The following SIRPG variants were observed in gnomAD, a reference collection of about 807,000 sequenced individuals.
SIRPG encodes signal-regulatory protein gamma.
SIRPG carries 38 observed loss-of-function variants against 35.7 expected under a neutral mutation model. The ratio of observed to expected loss-of-function variants is 1.06; its 90% CI spans 0.82 to 1.40. The LOEUF (loss-of-function observed/expected upper bound fraction) is 1.40. SIRPG is among the 40% of genes most tolerant of loss of function. The pLI, the probability that SIRPG is intolerant of heterozygous loss-of-function variation, is 0.00. For missense variants in SIRPG, 519 were observed against 483.0 expected (o/e 1.07, Z -0.70); for synonymous variants, 215 against 190.4 (o/e 1.13, Z -1.06).
chr20:1,648,651 T>TAAAATAAATA (rs1568734863), intron 2 of SIRPG, among the ~76,000 whole-genome samples: 8 of 142,498 alleles, frequency 5.6e-5, no homozygotes, highest in African/African-American at 1.9e-4. Context: ...ATAAAATAAA[T>TAAAATAAATA]AAAAAAAAAT....
At chr20:1,652,402 G>T (rs1231410039) in intron 1 of SIRPG, among the ~76,000 whole-genome samples, 2 of 152,196 alleles carry the variant, frequency 1.3e-5, no homozygotes, top group Admixed American at 1.3e-4. Context: ...CCTTTCTGTT[G>T]ACAGTGGCCT....
chr20:1,655,833 A>G (rs1429659027), intron 1 of SIRPG, among the ~76,000 whole-genome samples: 1 of 152,110 alleles, frequency 6.6e-6, no homozygotes, highest in Non-Finnish European at 1.5e-5. Context: ...TTTGTTAAAA[A>G]TTTCACTGAA....
intron 5 of SIRPG, among the ~76,000 whole-genome samples, 167 bp from the exon 6 acceptor site, chr20:1,629,803 C>G (rs2091734319): frequency 6.6e-6 from 1 of 152,144 alleles, no homozygotes; most frequent in African/African-American, 2.4e-5. Context: ...TCCTGATGCC[C>G]TTTCCAATAT....
At chr20:1,644,439 C>T (rs916594051) in intron 2 of SIRPG, among the ~76,000 whole-genome samples, 2 of 152,216 alleles carry the variant, frequency 1.3e-5, no homozygotes, top group Non-Finnish European at 2.9e-5. Context: ...GCATGGCCTG[C>T]AGTTATAGAG....
upstream of SIRPG, among the ~76,000 whole-genome samples, chr20:1,659,107 A>G (rs181249674): frequency 1.7e-3 from 254 of 152,336 alleles, 1 homozygote; most frequent in African/African-American, 6.0e-3. Context: ...ATTAATTATA[A>G]GCAAAAAAAC....
chr20:1,646,001 A>G (rs1431489790), intron 2 of SIRPG: 4 of 152,236 alleles, frequency 2.6e-5, no homozygotes, highest in East Asian at 1.9e-4. Flanking sequence ...GGTGATTTAC[A>G]GAGAGAACCT....
chr20:1,671,043 G>A, the SIRPG span: 58 of 425,422 alleles, frequency 1.4e-4, 1 homozygote, highest in Middle Eastern at 1.3e-3. Flanking sequence ...CAGGGTCCAC[G>A]TTGATCTGGA....
chr20:1,679,192 A>C, the SIRPG span, among the ~76,000 whole-genome samples: 1 of 152,136 alleles, frequency 6.6e-6, no homozygotes, highest in South Asian at 2.1e-4. Context: ...ACCTACAAAA[A>C]CGCTAAAAGG....
the SIRPG span, among the ~76,000 whole-genome samples, chr20:1,673,264 C>T: frequency 2.0e-5 from 3 of 152,124 alleles, no homozygotes; most frequent in Non-Finnish European, 4.4e-5. Flanking sequence ...TTTATGGGAG[C>T]CTGATGCTGC....
chr20:1,648,349 C>T (rs8121856), intron 2 of SIRPG: 21,015 of 152,196 alleles, frequency 0.14, 1,634 homozygotes, highest in Non-Finnish European at 0.16. Flanking sequence ...ACAGCAAATG[C>T]GAGACTTATT....
chr20:1,634,781 C>A (rs897762333), intron 4 of SIRPG, among the ~76,000 whole-genome samples: 2 of 151,986 alleles, frequency 1.3e-5, no homozygotes, highest in Non-Finnish European at 2.9e-5. Flanking sequence ...CGGTGGCTCA[C>A]GCCTGTAATC....
upstream of SIRPG, among the ~76,000 whole-genome samples, chr20:1,659,152 C>A (rs999849219): frequency 3.9e-5 from 6 of 152,156 alleles, no homozygotes; most frequent in African/African-American, 1.4e-4. Context: ...CAGGAAGAGT[C>A]CACTGGTTCT....
the SIRPG span, among the ~76,000 whole-genome samples, chr20:1,663,839 G>A: frequency 1.3e-5 from 2 of 152,250 alleles, no homozygotes; most frequent in Non-Finnish European, 2.9e-5. Context: ...AGGGAGAACT[G>A]CTTTCTTTTT....
chr20:1,668,991 T>A, the SIRPG span, among the ~76,000 whole-genome samples: 5 of 152,322 alleles, frequency 3.3e-5, no homozygotes, highest in South Asian at 1.0e-3. Flanking sequence ...TCTTAGGGCA[T>A]GCAGGAGGAA....
chr20:1,631,104 G>A (rs186873877), intron 4 of SIRPG, among the ~76,000 whole-genome samples: 2 of 152,284 alleles, frequency 1.3e-5, no homozygotes, highest in East Asian at 3.9e-4. Flanking sequence ...TTTAACATGA[G>A]CAGTTCAGGC....
rs762898132 is a variant in SIRPG, at chr20:1,630,247, C to T, written c.1141G>A (p.Val381Ile). 44 of 1,572,848 alleles carry T rather than the reference C, an allele frequency of 2.8e-5. No individual in the cohort carries two copies. The highest frequency in any genetic ancestry group is 2.1e-4 in the South Asian group (18 of 85,556). ...LIAVLLGPIY[V>I]PWKQKT is the part of the protein sequence containing the mutation. ...AGTCAGGTCTTCTGCTTCCAGGGGA[C>T]GTAGATGGGGCCCAGGAGGACAGCT... Residue 381 changes from valine (V) to isoleucine (I), a missense_variant, in exon 5 of 6, where the codon GTC becomes ATC. Coordinates refer to ENST00000303415, the MANE Select transcript of SIRPG (RefSeq NM_018556.4).
At chr20:1,633,666 A>G (rs923866048) in intron 4 of SIRPG, 1 of 152,230 alleles carries the variant, frequency 6.6e-6, no homozygotes, top group South Asian at 2.1e-4. Flanking sequence ...AGACAGGGAC[A>G]TGGAAAAATC....
At chr20:1,639,032 T>G (rs896195557) in intron 2 of SIRPG, among the ~76,000 whole-genome samples, 1 of 152,206 alleles carries the variant, frequency 6.6e-6, no homozygotes, top group African/African-American at 2.4e-5. Flanking sequence ...GATGGGCATT[T>G]GGGTTGGTTT....
intron 1 of SIRPG, among the ~76,000 whole-genome samples, chr20:1,649,916 C>A (rs1267446906): frequency 6.8e-6 from 1 of 147,814 alleles, no homozygotes; most frequent in Non-Finnish European, 1.5e-5. Flanking sequence ...CAGGTGAGAA[C>A]CATCAAGCCC....
Sources: gnomAD v4.1 joint callset for allele counts (sites outside exome capture counted in the v4.1 genomes callset) on GRCh38, gnomAD v4.1.1 for gene constraint, MANE v1.5 for transcripts, NCBI Gene and HGNC (gene_info 2026-07-23, HGNC 2026-07-21) for gene names.